TRIO: variants seen among roughly 807,000 people sequenced by gnomAD.
TRIO encodes the protein trio Rho guanine nucleotide exchange factor.
A neutral mutation model predicts 351.9 loss-of-function variants in TRIO; 58 were observed. The observed-to-expected ratio is 0.16, with a 90% CI of 0.13 to 0.21. TRIO has a LOEUF of 0.21. Among genes scored for constraint, TRIO ranks in the 10% least tolerant of loss-of-function variants. TRIO has a pLI of 1.00. For synonymous variants in TRIO, 1,758 were observed against 1,595.7 expected (o/e 1.10, Z -2.42); for missense variants, 3,201 against 4,027.8 (o/e 0.79, Z 5.56).
At chr5:14,148,517 A>C (rs889834110) in intron 1 of TRIO, among the ~76,000 whole-genome samples, 6 of 152,228 alleles carry the variant, frequency 3.9e-5, no homozygotes, top group Admixed American at 3.3e-4. Context: ...ATTGATAGGG[A>C]TGAGCTGTGT....
intron 1 of TRIO, among the ~76,000 whole-genome samples, chr5:14,181,783 AAGAAG>A (rs1789784538): frequency 6.6e-6 from 1 of 152,202 alleles, no homozygotes; most frequent in Non-Finnish European, 1.5e-5. Context: ...TGGCAGGAGA[AAGAAG>A]AGAAAGTCTG....
intron 1 of TRIO, among the ~76,000 whole-genome samples, chr5:14,206,801 GT>G (rs1426044415): frequency 6.6e-6 from 1 of 152,184 alleles, no homozygotes; most frequent in Non-Finnish European, 1.5e-5. Context: ...TAGGATATAA[GT>G]ACCTACTGCT....
intron 24 of TRIO, 37 bp downstream of exon 24, chr5:14,388,716 T>G: frequency 6.3e-7 from 1 of 1,582,686 alleles, no homozygotes; most frequent in Non-Finnish European, 8.6e-7. Flanking sequence ...TGCTTGTTTA[T>G]TTAGATTGAG....
intron 1 of TRIO, among the ~76,000 whole-genome samples, chr5:14,222,198 A>G (rs762637252): frequency 2.6e-5 from 4 of 151,844 alleles, no homozygotes; most frequent in Non-Finnish European, 5.9e-5. Flanking sequence ...TCATTTTTAA[A>G]GACAAATACT....
chr5:14,489,808 C>G (rs776754144), intron 48 of TRIO, among the ~76,000 whole-genome samples: 1 of 152,194 alleles, frequency 6.6e-6, no homozygotes. Context: ...CGTGTTCCCG[C>G]GAGCTTTAGG....
chr5:14,440,061 TA>T (rs973432374), intron 34 of TRIO, among the ~76,000 whole-genome samples: 12 of 151,770 alleles, frequency 7.9e-5, no homozygotes, highest in African/African-American at 2.7e-4. Flanking sequence ...ACTGAGGAAG[TA>T]AAAAAAGGCA....
chr5:14,250,683 C>G (rs1794692873), intron 1 of TRIO, among the ~76,000 whole-genome samples: 1 of 152,176 alleles, frequency 6.6e-6, no homozygotes, highest in South Asian at 2.1e-4. Context: ...CTGTGTTCAG[C>G]TGTGTGTACA....
chr5:14,472,194 T>G (rs773181704), intron 38 of TRIO, among the ~76,000 whole-genome samples: 6 of 152,282 alleles, frequency 3.9e-5, no homozygotes, highest in Non-Finnish European at 7.3e-5. Flanking sequence ...ACACAAGGTT[T>G]AAACATCTGA....
rs1581281787 is a variant in TRIO, at chr5:14,178,530, G to GT, written c.157+34648_157+34649insT. ...AGCTGACCGCGTAATTGTCTAAACA[G>GT]AGATGGTGTTGAGAGTGAAAGAGGG... On this transcript the variant is annotated intron_variant, in intron 1 of 56. Coordinates refer to ENST00000344204, the MANE Select transcript of TRIO (RefSeq NM_007118.4). Among the ~76,000 whole-genome samples the GT allele has an allele frequency of 3.3e-5, 5 of 152,328 alleles. No individual in the cohort carries two copies. The East Asian group carries it at 9.6e-4, about 29-fold the overall frequency.
At chr5:14,348,445 G>A (rs1742641277) in intron 11 of TRIO, among the ~76,000 whole-genome samples, 1 of 152,218 alleles carries the variant, frequency 6.6e-6, no homozygotes, top group Admixed American at 6.5e-5. Flanking sequence ...CATCTCCTTG[G>A]CAAGGAAAAT....
intron 34 of TRIO, among the ~76,000 whole-genome samples, chr5:14,452,249 C>T (rs894535502): frequency 2.0e-5 from 3 of 152,370 alleles, no homozygotes; most frequent in Non-Finnish European, 1.5e-5. Context: ...TTAGATTCGT[C>T]GTCTCGCCGC....
chr5:14,177,407 A>T (rs1313319934), intron 1 of TRIO, among the ~76,000 whole-genome samples: 1 of 152,102 alleles, frequency 6.6e-6, no homozygotes, highest in African/African-American at 2.4e-5. Context: ...ACTTGTGTGA[A>T]TTTCATGATA....
chr5:14,231,840 A>G (rs1311016909), intron 1 of TRIO, among the ~76,000 whole-genome samples: 1 of 130,518 alleles, frequency 7.7e-6, no homozygotes, highest in Non-Finnish European at 1.6e-5. Context: ...TAAGCCAGTG[A>G]CTGATTTTTT....
Position 14,389,197 on chromosome 5 carries a change from A to G in TRIO, c.3949-92A>G, listed in dbSNP as rs1426138708. The G allele has an allele frequency of 7.3e-6, 7 of 955,634 alleles. No homozygotes were observed. In the East Asian group the frequency reaches 1.7e-4, roughly 23 times the overall value. The allele number at this position is 955,634 out of a possible 1,614,324, so 59.2% of individuals were successfully genotyped here. A position where few individuals can be genotyped will look rare whatever the true frequency, so the allele number is the denominator to read the frequency against. On this transcript the variant is annotated intron_variant, in intron 24 of 56. Transcript: ENST00000344204. The stretch of plus-strand genomic sequence containing the variant: ...TCCTTAGTTATACTTTCACTTATAC[A>G]TTAACTCTGTGTGTTTACAGATGTC...
At chr5:14,224,523 A>G (rs1292868966) in intron 1 of TRIO, among the ~76,000 whole-genome samples, 1 of 152,188 alleles carries the variant, frequency 6.6e-6, no homozygotes, top group Non-Finnish European at 1.5e-5. Context: ...CTTACTTTGT[A>G]TATATTTTAA....
At chr5:14,162,094 T>A (rs1054682137) in intron 1 of TRIO, among the ~76,000 whole-genome samples, 3 of 152,202 alleles carry the variant, frequency 2.0e-5, no homozygotes, top group African/African-American at 7.2e-5. Flanking sequence ...AGTTGTGGGT[T>A]ATGGAATCAC....
At position 14,492,778 on chromosome 5, in the gene TRIO, G is replaced by A. The variant is rs2126660520; in HGVS notation, c.7844G>A (p.Ser2615Asn). The A allele has an allele frequency of 6.2e-7, 1 of 1,614,150 alleles. No individual in the cohort carries two copies. Among genetic ancestry groups the A allele is most frequent in the South Asian group, 1.1e-5 (1 of 91,088 alleles). The change falls in exon 49 of 57, where the codon AGT (serine) becomes AAT (asparagine). Residue 2615 changes from serine to asparagine, a missense_variant. Transcript: ENST00000344204. The part of the protein sequence containing the change: ...WIPGFVLGHT[S>N]AVIVENPDGT... ...CCAGGCTTTGTCCTGGGCCACACCA[G>A]TGCAGTCATCGTGGAGAACCCGGAC...
At chr5:14,375,557 G>A (rs1037295055) in intron 19 of TRIO, among the ~76,000 whole-genome samples, 2 of 152,142 alleles carry the variant, frequency 1.3e-5, no homozygotes, top group African/African-American at 4.8e-5. Flanking sequence ...CTACTTGGGG[G>A]TGAAAGGTTT....
chr5:14,346,466 G>T (rs1337394234), intron 11 of TRIO, among the ~76,000 whole-genome samples: 3 of 152,200 alleles, frequency 2.0e-5, no homozygotes, highest in Non-Finnish European at 4.4e-5. Flanking sequence ...TCACCATATT[G>T]AGCATATCAG....
Sources: gnomAD v4.1 joint callset for allele counts (sites outside exome capture counted in the v4.1 genomes callset) on GRCh38, gnomAD v4.1.1 for gene constraint, MANE v1.5 for transcripts, NCBI Gene and HGNC (gene_info 2026-07-23, HGNC 2026-07-21) for gene names.